DLC1: variants seen among roughly 807,000 people sequenced by gnomAD.
The protein encoded by DLC1 is rho GTPase-activating protein 7.
Under a neutral mutation model 140.3 loss-of-function variants are expected in DLC1, and 54 were observed. That is an observed-to-expected ratio of 0.38 (90% CI 0.31 to 0.48). DLC1 has a LOEUF of 0.48. Among genes scored for constraint, DLC1 ranks in the 20% least tolerant of loss-of-function variants. DLC1 has a pLI of 0.96. For synonymous variants in DLC1, 986 were observed against 728.1 expected (o/e 1.35, Z -5.70); for missense variants, 2,536 against 1,907.0 (o/e 1.33, Z -6.14).
intron 2 of DLC1, among the ~76,000 whole-genome samples, chr8:13,401,969 T>G (rs1370841283): frequency 6.6e-6 from 1 of 152,206 alleles, no homozygotes; most frequent in Non-Finnish European, 1.5e-5. Context: ...ATTGATTATT[T>G]AAAAGGTACT....
At chr8:13,177,175 T>C (rs1428110406) in intron 5 of DLC1, among the ~76,000 whole-genome samples, 2 of 152,200 alleles carry the variant, frequency 1.3e-5, no homozygotes, top group Non-Finnish European at 2.9e-5. Context: ...ATACCAGCCA[T>C]TGAGTCTACT....
intron 2 of DLC1, among the ~76,000 whole-genome samples, chr8:13,432,293 TAA>T (rs1838914362): frequency 6.6e-6 from 1 of 152,198 alleles, no homozygotes; most frequent in Admixed American, 6.5e-5. Flanking sequence ...AAAGATATCC[TAA>T]ATAAATGGTA....
intron 4 of DLC1, among the ~76,000 whole-genome samples, chr8:13,319,392 A>G (rs932998374): frequency 1.7e-4 from 25 of 147,742 alleles, no homozygotes; most frequent in African/African-American, 6.3e-4. Context: ...CACCCAAGTG[A>G]TATGGTTTGG....
chr8:13,490,927 T>A (rs1488545677), intron 2 of DLC1, among the ~76,000 whole-genome samples: 3 of 150,636 alleles, frequency 2.0e-5, no homozygotes, highest in African/African-American at 7.3e-5. Flanking sequence ...CCCAATAATA[T>A]CTGGAACAAG....
chr8:13,448,034 A>G (rs1798864053), intron 2 of DLC1, among the ~76,000 whole-genome samples: 1 of 152,226 alleles, frequency 6.6e-6, no homozygotes, highest in South Asian at 2.1e-4. Context: ...ATTTGGAAGC[A>G]TGGATAACTA....
chr8:13,306,239 G>A (rs76263874), intron 4 of DLC1, among the ~76,000 whole-genome samples: 8,000 of 152,234 alleles, frequency 0.053, 248 homozygotes, highest in South Asian at 0.12. Context: ...ATTTATCACT[G>A]TTATGATTTT....
intron 4 of DLC1, among the ~76,000 whole-genome samples, chr8:13,325,759 A>C (rs1833316368): frequency 6.6e-6 from 1 of 152,216 alleles, no homozygotes; most frequent in South Asian, 2.1e-4. Flanking sequence ...CATTAAAAGA[A>C]AAGATTGTCT....
At chr8:13,441,471 G>T (rs916752617) in intron 2 of DLC1, among the ~76,000 whole-genome samples, 1 of 152,208 alleles carries the variant, frequency 6.6e-6, no homozygotes, top group Non-Finnish European at 1.5e-5. Context: ...CATCGTCACA[G>T]CCCAAAATCT....
intron 1 of DLC1, among the ~76,000 whole-genome samples, chr8:13,551,047 A>AACACAC (rs1554542230): frequency 0.033 from 4,063 of 122,996 alleles, 294 homozygotes; most frequent in African/African-American, 0.11. Context: ...GATTTCTTTA[A>AACACAC]ACACACACAC....
chr8:13,209,496 A>G (rs564693628), intron 5 of DLC1, among the ~76,000 whole-genome samples: 47 of 152,242 alleles, frequency 3.1e-4, no homozygotes, highest in African/African-American at 1.1e-3. Flanking sequence ...AGAATATGGT[A>G]TTGCTCATAA....
chr8:13,529,572 A>G (rs982694604), intron 1 of DLC1, among the ~76,000 whole-genome samples: 13 of 152,176 alleles, frequency 8.5e-5, no homozygotes, highest in Admixed American at 1.3e-4. Flanking sequence ...ATTGTAAAGG[A>G]GAATACTTAG....
intron 1 of DLC1, among the ~76,000 whole-genome samples, chr8:13,553,005 G>A (rs887451671): frequency 1.3e-5 from 2 of 151,110 alleles, no homozygotes; most frequent in Non-Finnish European, 3.0e-5. Context: ...CACAGAATTA[G>A]GAATAGGAAT....
At chr8:13,110,091 G>A (rs947801263) in intron 7 of DLC1, among the ~76,000 whole-genome samples, 4 of 152,108 alleles carry the variant, frequency 2.6e-5, no homozygotes, top group Non-Finnish European at 5.9e-5. Flanking sequence ...GACATGTCTT[G>A]AAGAGCTTGA....
chr8:13,356,443 A>G (rs1450007973), intron 4 of DLC1, among the ~76,000 whole-genome samples: 1 of 152,092 alleles, frequency 6.6e-6, no homozygotes, highest in Non-Finnish European at 1.5e-5. Context: ...ATCCTATTCC[A>G]TGTATTTTTT....
intron 2 of DLC1, among the ~76,000 whole-genome samples, chr8:13,486,073 A>G (rs1392115362): frequency 1.3e-5 from 2 of 152,176 alleles, no homozygotes; most frequent in South Asian, 2.1e-4. Flanking sequence ...CACTGTGAAC[A>G]TCTGAGAGAA....
chr8:13,523,856 C>T, intron 1 of DLC1, among the ~76,000 whole-genome samples: 1 of 146,946 alleles, frequency 6.8e-6, no homozygotes, highest in African/African-American at 2.5e-5. Context: ...TTGTTCTGTT[C>T]TTTTTTTTTT....
At chr8:13,321,641 A>G (rs1452259165) in intron 4 of DLC1, among the ~76,000 whole-genome samples, 4 of 151,624 alleles carry the variant, frequency 2.6e-5, no homozygotes, top group Admixed American at 2.6e-4. Context: ...TCCTCTTTCC[A>G]GTTAGCAGCA....
At chr8:13,436,624 A>G (rs1466331585) in intron 2 of DLC1, among the ~76,000 whole-genome samples, 1 of 152,164 alleles carries the variant, frequency 6.6e-6, no homozygotes, top group Non-Finnish European at 1.5e-5. Context: ...ATTTTAACAC[A>G]CAGCAACTGG....
intron 5 of DLC1, among the ~76,000 whole-genome samples, chr8:13,256,797 G>C (rs1830247740): frequency 6.6e-6 from 1 of 151,428 alleles, no homozygotes; most frequent in South Asian, 2.1e-4. Flanking sequence ...CTAGATGATG[G>C]GTTGATGGGT....
Sources: allele counts gnomAD v4.1 joint callset (sites outside exome capture counted in the v4.1 genomes callset), GRCh38; gene constraint gnomAD v4.1.1; transcripts MANE v1.5; gene names NCBI Gene and HGNC (gene_info 2026-07-23, HGNC 2026-07-21).